The following SNTG1 variants were observed in gnomAD, a reference collection of about 807,000 sequenced individuals.
SNTG1 encodes gamma-1-syntrophin.
Under a neutral mutation model 74.7 loss-of-function variants are expected in SNTG1, and 39 were observed. The observed-to-expected ratio is 0.52, with a 90% confidence interval of 0.40 to 0.68. SNTG1 has a LOEUF of 0.68. SNTG1 is among the 30% of genes least tolerant of loss of function. The probability of loss-of-function intolerance (pLI) is 0.00; values close to 1 mark genes in which losing one functional copy is unlikely to be tolerated. For missense variants in SNTG1, 685 were observed against 609.5 expected, an observed-to-expected ratio of 1.12 and a Z score of -1.30; for synonymous variants, 254 against 217.1, an observed-to-expected ratio of 1.17 and a Z score of -1.49.
intron 2 of SNTG1, among the ~76,000 whole-genome samples, chr8:50,309,114 T>C (rs1563877198): frequency 1.3e-5 from 2 of 152,148 alleles, no homozygotes. Flanking sequence ...TTTACAACAT[T>C]CATAGCCCTT....
At chr8:49,976,413 GC>G (rs1403552141) in intron 1 of SNTG1, among the ~76,000 whole-genome samples, 1 of 152,054 alleles carries the variant, frequency 6.6e-6, no homozygotes, top group African/African-American at 2.4e-5. Flanking sequence ...CCTGATTTCT[GC>G]CAGGTTGTGG....
chr8:49,925,035 TA>T (rs1255241706), intron 1 of SNTG1, among the ~76,000 whole-genome samples: 2 of 151,862 alleles, frequency 1.3e-5, no homozygotes, highest in Non-Finnish European at 2.9e-5. Flanking sequence ...TGCTGGCAGT[TA>T]CAGCTACTCA....
chr8:50,480,333 T>A (rs1420598007), intron 8 of SNTG1, among the ~76,000 whole-genome samples: 4 of 152,010 alleles, frequency 2.6e-5, no homozygotes, highest in Non-Finnish European at 5.9e-5. Flanking sequence ...TAATCAGGTG[T>A]GTGTAGTCTC....
intron 13 of SNTG1, among the ~76,000 whole-genome samples, chr8:50,630,732 C>T (rs1033607540): frequency 1.3e-5 from 2 of 151,892 alleles, no homozygotes; most frequent in Non-Finnish European, 2.9e-5. Context: ...AGAGTTATAC[C>T]CCAAGAAGAC....
intron 1 of SNTG1, among the ~76,000 whole-genome samples, chr8:50,029,708 C>T (rs1817583967): frequency 6.6e-6 from 1 of 152,116 alleles, no homozygotes; most frequent in Admixed American, 6.6e-5. Context: ...AATATGACTC[C>T]ATTGTGTATA....
intron 2 of SNTG1, among the ~76,000 whole-genome samples, chr8:50,263,488 A>G (rs947301245): frequency 3.3e-5 from 5 of 152,170 alleles, no homozygotes; most frequent in African/African-American, 1.2e-4. Flanking sequence ...ACTTAGATTC[A>G]AAGACACACG....
chr8:50,793,454 A>G lies in SNTG1; in HGVS notation c.*625A>G, dbSNP rs1237733912. The G allele has an allele frequency of 6.6e-6, 1 of 151,976 alleles. No homozygotes were observed. Among genetic ancestry groups the G allele is most frequent in the Non-Finnish European group, 1.5e-5 (1 of 67,918 alleles). The allele number at this position is 151,976 out of a possible 1,614,324, so 9.4% of individuals were successfully genotyped here. ...GAACTTCCAAAGGATAATTACATTG[A>G]CCCATGATAGATACAATGTGAAATG... On this transcript the variant is annotated 3_prime_UTR_variant, in exon 19 of 19. Transcript: ENST00000642720.
At chr8:50,089,026 C>T (rs993446744) in intron 1 of SNTG1, among the ~76,000 whole-genome samples, 33 of 151,718 alleles carry the variant, frequency 2.2e-4, no homozygotes, top group African/African-American at 7.7e-4. Context: ...CTACAGTAAC[C>T]AAAACAGCAT....
intron 8 of SNTG1, 78 bp from the exon 9 acceptor site, chr8:50,502,700 C>A: frequency 2.5e-6 from 3 of 1,198,430 alleles, no homozygotes; most frequent in Non-Finnish European, 2.4e-6. Flanking sequence ...GAAGAAACAA[C>A]CAATAATTTC....
At chr8:50,490,347 T>C (rs1171318736) in intron 8 of SNTG1, among the ~76,000 whole-genome samples, 2 of 152,194 alleles carry the variant, frequency 1.3e-5, no homozygotes, top group Non-Finnish European at 2.9e-5. Flanking sequence ...ATTGAATCTA[T>C]AAATTACTTT....
rs1230042665 is a variant in SNTG1 at position 50,088,249 on chromosome 8, G to A, written c.-102-84312G>A. Among the ~76,000 whole-genome samples, 28 of 150,956 alleles carry A rather than the reference G, an allele frequency of 1.9e-4. 1 individual carries two copies. The highest frequency in any genetic ancestry group is 8.5e-4 in the South Asian group (4 of 4,732). ...TCAATAAATTAGGTATTGATGGGAC[G>A]TATTTCAAAATAATAAGAGCTATCT... On this transcript the variant is annotated intron_variant, in intron 1 of 18. Coordinates refer to ENST00000642720, the MANE Select transcript of SNTG1 (RefSeq NM_018967.5).
At chr8:50,599,378 G>T (rs766101726) in intron 13 of SNTG1, among the ~76,000 whole-genome samples, 2 of 151,914 alleles carry the variant, frequency 1.3e-5, no homozygotes, top group Non-Finnish European at 2.9e-5. Context: ...TTTTAGGATT[G>T]TTTTTCTATT....
intron 18 of SNTG1, among the ~76,000 whole-genome samples, chr8:50,760,500 T>C (rs2095595317): frequency 6.6e-6 from 1 of 151,956 alleles, no homozygotes; most frequent in Non-Finnish European, 1.5e-5. Flanking sequence ...TCTTATTATT[T>C]TGAGATATGT....
At chr8:50,673,485 G>T (rs1585478523) in intron 15 of SNTG1, among the ~76,000 whole-genome samples, 1 of 151,934 alleles carries the variant, frequency 6.6e-6, no homozygotes, top group Non-Finnish European at 1.5e-5. Flanking sequence ...CTTGTCTATT[G>T]TTGGTGTAAA....
intron 2 of SNTG1, among the ~76,000 whole-genome samples, chr8:50,299,791 T>A (rs1193439059): frequency 6.6e-6 from 1 of 152,098 alleles, no homozygotes; most frequent in Non-Finnish European, 1.5e-5. Context: ...AGTAGATACG[T>A]GTCACTAGGA....
chr8:50,146,812 T>C (rs1448495598), intron 1 of SNTG1, among the ~76,000 whole-genome samples: 1 of 152,224 alleles, frequency 6.6e-6, no homozygotes, highest in East Asian at 1.9e-4. Flanking sequence ...TTGCCATTAA[T>C]ATGTCTTCTA....
At chr8:49,978,609 C>T (rs959717403) in intron 1 of SNTG1, among the ~76,000 whole-genome samples, 7 of 151,958 alleles carry the variant, frequency 4.6e-5, no homozygotes, top group Non-Finnish European at 5.9e-5. Flanking sequence ...ATTGTAAAGG[C>T]CCATGTTTCA....
chr8:50,762,726 C>T (rs2095602550), intron 18 of SNTG1: 1 of 483,718 alleles, frequency 2.1e-6, no homozygotes, highest in South Asian at 1.5e-5. Context: ...TTGTGCTTGC[C>T]TCCCTTTTCC....
chr8:50,419,240 C>G (rs1464100292), intron 4 of SNTG1, among the ~76,000 whole-genome samples: 1 of 152,028 alleles, frequency 6.6e-6, no homozygotes, highest in African/African-American at 2.4e-5. Flanking sequence ...TAAATTCTTC[C>G]AAAATAAATG....
Sources: allele counts gnomAD v4.1 joint callset (sites outside exome capture counted in the v4.1 genomes callset), GRCh38; gene constraint gnomAD v4.1.1; transcripts MANE v1.5; gene names NCBI Gene and HGNC (gene_info 2026-07-23, HGNC 2026-07-21).